LCORL: variants seen among roughly 807,000 people sequenced by gnomAD.
The protein encoded by LCORL is ligand-dependent nuclear receptor corepressor-like protein.
A neutral mutation model predicts 141.8 loss-of-function variants in LCORL; 41 were observed. The ratio of observed to expected loss-of-function variants is 0.29; its 90% CI spans 0.23 to 0.38. The LOEUF (loss-of-function observed/expected upper bound fraction) is 0.38, where lower values mean the gene tolerates loss of function less well. LCORL is among the 10% of genes least tolerant of loss of function. LCORL has a pLI of 1.00. For missense variants in LCORL, 1,759 were observed against 2,035.0 expected (o/e 0.86, Z 2.61); for synonymous variants, 618 against 694.1 (o/e 0.89, Z 1.72).
chr4:17,927,253 A>G (rs776782638), intron 4 of LCORL, among the ~76,000 whole-genome samples: 1 of 152,182 alleles, frequency 6.6e-6, no homozygotes, highest in Non-Finnish European at 1.5e-5. Flanking sequence ...TCGGCCTCCA[A>G]CGAATTAAAG....
chr4:18,006,571 T>C (rs1469578894), intron 1 of LCORL, among the ~76,000 whole-genome samples: 1 of 152,140 alleles, frequency 6.6e-6, no homozygotes, highest in African/African-American at 2.4e-5. Context: ...GGATTTACAG[T>C]TTGAAGTGGC....
chr4:17,904,604 C>T (rs113345376), intron 5 of LCORL, among the ~76,000 whole-genome samples: 2,862 of 152,110 alleles, frequency 0.019, 30 homozygotes, highest in South Asian at 0.031. Context: ...GCCCCTTATC[C>T]CCCTTTTGGG....
intron 1 of LCORL, among the ~76,000 whole-genome samples, chr4:17,982,077 T>C (rs2109726583): frequency 1.3e-5 from 2 of 151,280 alleles, no homozygotes; most frequent in South Asian, 4.2e-4. Context: ...TTGTTCTTTT[T>C]CATGGCTGCA....
chr4:17,960,249 A>T lies in LCORL; in HGVS notation c.430+1654T>A, dbSNP rs556379204. The T allele has an allele frequency of 3.7e-3, 567 of 154,480 alleles. 7 individuals carry two copies. Among genetic ancestry groups the T allele is most frequent in the African/African-American group, 0.013 (545 of 41,638 alleles). The allele number at this position is 154,480 out of a possible 1,614,324, so 9.6% of individuals were successfully genotyped here. ...TCCAGAAATGGAGAGGTCACTAAAT[A>T]TCCAAGAACACTCACCCAACCATTG... On this transcript the variant is annotated intron_variant, in intron 4 of 7. Coordinates refer to ENST00000635767, the Ensembl canonical transcript of LCORL.
chr4:17,965,043 T>C lies in LCORL; in HGVS notation c.221-1994A>G, dbSNP rs575955023. 9.9e-5 allele frequency among the ~76,000 whole-genome samples: 15 copies of C among 152,238 alleles called. No individual in the cohort carries two copies. The South Asian group carries it at 2.9e-3, about 29-fold the overall frequency. On this transcript the variant is annotated intron_variant, in intron 2 of 7. Transcript: ENST00000635767. ...ATTAAGACAATTGCCAGTTGTAAGATAATATCAAGGCATCCTGAGATTGTC... is the reference window on the plus strand; with the variant it reads ...ATTAAGACAATTGCCAGTTGTAAGACAATATCAAGGCATCCTGAGATTGTC...
chr4:17,954,342 T>C (rs1712133042), intron 4 of LCORL, among the ~76,000 whole-genome samples: 1 of 152,100 alleles, frequency 6.6e-6, no homozygotes, highest in Non-Finnish European at 1.5e-5. Flanking sequence ...ACAGCAAGTC[T>C]AAAGATCCTG....
At chr4:17,933,755 G>A (rs1359943742) in intron 4 of LCORL, among the ~76,000 whole-genome samples, 1 of 151,868 alleles carries the variant, frequency 6.6e-6, no homozygotes, top group African/African-American at 2.4e-5. Flanking sequence ...AGCAATTACT[G>A]TCATATGTAA....
chr4:18,007,650 A>G (rs755119184), intron 1 of LCORL, among the ~76,000 whole-genome samples: 1 of 152,200 alleles, frequency 6.6e-6, no homozygotes, highest in Non-Finnish European at 1.5e-5. Context: ...AGAAAATATA[A>G]GCAAAAGGAT....
At chr4:17,946,932 T>G (rs979773461) in intron 4 of LCORL, among the ~76,000 whole-genome samples, 1 of 151,912 alleles carries the variant, frequency 6.6e-6, no homozygotes, top group Admixed American at 6.6e-5. Context: ...AGTACAGCCA[T>G]TATGGAAAAC....
chr4:17,891,710 G>A (rs775437907), intron 5 of LCORL, among the ~76,000 whole-genome samples: 31 of 152,026 alleles, frequency 2.0e-4, no homozygotes, highest in Non-Finnish European at 3.7e-4. Context: ...TAAAAGGTAC[G>A]ATATAAAATT....
exon 7 of LCORL, chr4:17,877,167 T>G: frequency 1.6e-6 from 2 of 1,230,882 alleles, no homozygotes; most frequent in East Asian, 3.2e-5. Context: ...TAAAGTTTCT[T>G]GACGCTTTCG....
chr4:17,974,368 T>C (rs1716541347), intron 1 of LCORL, among the ~76,000 whole-genome samples: 1 of 152,192 alleles, frequency 6.6e-6, no homozygotes, highest in Non-Finnish European at 1.5e-5. Context: ...TATGGTTCAA[T>C]CTGCTGACAA....
At chr4:17,906,777 C>A (rs113713297) in intron 5 of LCORL, among the ~76,000 whole-genome samples, 5,133 of 151,636 alleles carry the variant, frequency 0.034, 106 homozygotes, top group African/African-American at 0.056. Flanking sequence ...ACCTCTGCCT[C>A]CCGGGTTCAA....
intron 1 of LCORL, among the ~76,000 whole-genome samples, chr4:17,995,714 CT>C (rs1720808741): frequency 6.6e-6 from 1 of 152,120 alleles, no homozygotes; most frequent in African/African-American, 2.4e-5. Context: ...TTAAATGCTT[CT>C]TAGTTACCAT....
chr4:18,015,989 C>A (rs1033314534), intron 1 of LCORL, among the ~76,000 whole-genome samples: 1 of 151,860 alleles, frequency 6.6e-6, no homozygotes, highest in Admixed American at 6.6e-5. Context: ...CTAAGTGATA[C>A]CCTGTGATTC....
At chr4:17,873,517 A>G in exon 7 of LCORL, 1 of 1,233,998 alleles carries the variant, frequency 8.1e-7, no homozygotes, top group Non-Finnish European at 1.0e-6. Flanking sequence ...AGAACTTCAA[A>G]ACTATCAGGA....
chr4:17,860,250 T>C (rs896657225), intron 7 of LCORL, among the ~76,000 whole-genome samples: 4 of 152,158 alleles, frequency 2.6e-5, no homozygotes, highest in Admixed American at 2.0e-4. Context: ...ACACTGTTGA[T>C]AGAGACATAC....
At chr4:17,874,195 A>G in exon 7 of LCORL, 1 of 1,233,838 alleles carries the variant, frequency 8.1e-7, no homozygotes, top group Non-Finnish European at 1.0e-6. Context: ...AACCTCTTAA[A>G]CTCAGTCCTT....
At chr4:17,944,943 C>T (rs1203452956) in intron 4 of LCORL, among the ~76,000 whole-genome samples, 1 of 152,092 alleles carries the variant, frequency 6.6e-6, no homozygotes, top group African/African-American at 2.4e-5. Flanking sequence ...TAATATACAA[C>T]TAGCCAATAG....
Sources: allele counts gnomAD v4.1 joint callset (sites outside exome capture counted in the v4.1 genomes callset), GRCh38; gene constraint gnomAD v4.1.1; transcripts MANE v1.5; gene names NCBI Gene and HGNC (gene_info 2026-07-23, HGNC 2026-07-21).